CAST: variants seen among roughly 807,000 people sequenced by gnomAD.
The protein encoded by CAST is MIR583 host.
Under a neutral mutation model 119.6 loss-of-function variants are expected in CAST, and 76 were observed. That is an observed-to-expected ratio of 0.64 (90% confidence interval 0.53 to 0.77). The LOEUF is 0.77. CAST is among the 30% of genes least tolerant of loss of function. The pLI is 0.00. For missense variants in CAST, 953 were observed against 946.5 expected (o/e 1.01, Z -0.09); for synonymous variants, 319 against 331.6 (o/e 0.96, Z 0.41).
intron 1 of CAST, among the ~76,000 whole-genome samples, chr5:96,544,847 A>G (rs183267605): frequency 4.5e-4 from 68 of 150,936 alleles, no homozygotes; most frequent in Non-Finnish European, 7.4e-4. Context: ...AAACACAACT[A>G]TATTTCCCAC....
the CAST span, among the ~76,000 whole-genome samples, chr5:96,412,107 G>T: frequency 6.6e-6 from 1 of 152,156 alleles, no homozygotes; most frequent in African/African-American, 2.4e-5. Flanking sequence ...CTTGGCCATC[G>T]CGCCTGGCCA....
the CAST span, among the ~76,000 whole-genome samples, chr5:96,409,391 A>G: frequency 1.3e-5 from 2 of 152,204 alleles, no homozygotes; most frequent in East Asian, 3.8e-4. Context: ...TGCGGAAGCA[A>G]GGTTGCCCTT....
the CAST span, among the ~76,000 whole-genome samples, chr5:96,330,276 G>C: frequency 1.4e-4 from 21 of 152,316 alleles, no homozygotes; most frequent in African/African-American, 4.1e-4. Context: ...TTTCTCCCTT[G>C]TTTGGTAAGA....
At chr5:96,740,254 G>T in intron 12 of CAST, 136 bp downstream of exon 12, 1 of 592,862 alleles carries the variant, frequency 1.7e-6, no homozygotes, top group Non-Finnish European at 3.0e-6. Flanking sequence ...GAAGCTCGCT[G>T]CATTGGTTGG....
intron 3 of CAST, among the ~76,000 whole-genome samples, chr5:96,721,733 G>A (rs1485899676): frequency 1.3e-5 from 2 of 152,138 alleles, no homozygotes; most frequent in African/African-American, 4.8e-5. Flanking sequence ...ATAATTATCT[G>A]TTTAATATTA....
chr5:96,561,787 T>TTTTTTTTTTG (rs1746368363), intron 1 of CAST, among the ~76,000 whole-genome samples: 1 of 9,616 alleles, frequency 1.0e-4, no homozygotes, highest in Non-Finnish European at 2.1e-4. Context: ...TATATATATG[T>TTTTTTTTTTG]TTTTTTTTGT....
At chr5:96,529,753 C>A (rs544819786), upstream of CAST, 1 of 428,144 alleles carries the variant, frequency 2.3e-6, no homozygotes, top group East Asian at 8.1e-5. Flanking sequence ...TCAGTTCTCA[C>A]GAGATATAAT....
chr5:96,148,459 A>G, the CAST span, among the ~76,000 whole-genome samples: 47,327 of 152,038 alleles, frequency 0.31, 7,615 homozygotes, highest in Middle Eastern at 0.38. Context: ...TTTCACCACA[A>G]TTATTCGGTA....
upstream of CAST, among the ~76,000 whole-genome samples, chr5:96,522,545 G>A (rs1325524376): frequency 6.6e-6 from 1 of 152,180 alleles, no homozygotes; most frequent in Non-Finnish European, 1.5e-5. Context: ...CATCTGTAAA[G>A]AGACTTTAAG....
chr5:96,041,154 A>G, the CAST span, among the ~76,000 whole-genome samples: 1 of 152,142 alleles, frequency 6.6e-6, no homozygotes. Context: ...TTCCTTCTTA[A>G]GAGTACAGTA....
chr5:96,150,630 C>G, the CAST span, among the ~76,000 whole-genome samples: 1 of 152,278 alleles, frequency 6.6e-6, no homozygotes, highest in East Asian at 1.9e-4. Flanking sequence ...TGGGTAAAAA[C>G]TGACTCTGAG....
At chr5:96,571,233 T>C (rs1341163318) in intron 1 of CAST, among the ~76,000 whole-genome samples, 2 of 152,102 alleles carry the variant, frequency 1.3e-5, no homozygotes, top group African/African-American at 2.4e-5. Flanking sequence ...TCCGTAGAGA[T>C]AGGCAGCGCA....
At chr5:96,610,035 T>C (rs1406943035) in intron 1 of CAST, among the ~76,000 whole-genome samples, 2 of 152,186 alleles carry the variant, frequency 1.3e-5, no homozygotes, top group Non-Finnish European at 2.9e-5. Context: ...TCCCCACATG[T>C]CCTGGGAGGG....
the CAST span, among the ~76,000 whole-genome samples, chr5:96,046,312 G>T: frequency 3.3e-5 from 5 of 152,108 alleles, no homozygotes; most frequent in East Asian, 7.7e-4. Flanking sequence ...ATAAAAGAAA[G>T]AAATAGAACA....
At chr5:96,537,213 C>G (rs1237843890) in intron 1 of CAST, among the ~76,000 whole-genome samples, 1 of 152,234 alleles carries the variant, frequency 6.6e-6, no homozygotes, top group Non-Finnish European at 1.5e-5. Flanking sequence ...TCACCCAACT[C>G]AGTTACCATC....
intron 8 of CAST, among the ~76,000 whole-genome samples, chr5:96,730,356 G>T (rs1030967812): frequency 6.6e-6 from 1 of 152,164 alleles, no homozygotes; most frequent in Admixed American, 6.5e-5. Flanking sequence ...TGTATATTTT[G>T]TTTGGCTTAC....
At chr5:96,240,361 G>T in the CAST span, among the ~76,000 whole-genome samples, 4 of 152,146 alleles carry the variant, frequency 2.6e-5, no homozygotes, top group Admixed American at 1.3e-4. Context: ...TGTTGACTGT[G>T]CACAGTTTTC....
the CAST span, among the ~76,000 whole-genome samples, chr5:96,421,714 G>A: frequency 1.3e-5 from 2 of 152,072 alleles, no homozygotes; most frequent in African/African-American, 4.8e-5. Context: ...TATAAAAATA[G>A]AAACTTTGGT....
chr5:96,597,840 G>C (rs1020230597), intron 1 of CAST, among the ~76,000 whole-genome samples: 1 of 152,030 alleles, frequency 6.6e-6, no homozygotes, highest in Non-Finnish European at 1.5e-5. Context: ...GTGGGGGTCA[G>C]GGTGGTTTTG....
Sources: allele counts gnomAD v4.1 joint callset (sites outside exome capture counted in the v4.1 genomes callset), GRCh38; gene constraint gnomAD v4.1.1; transcripts MANE v1.5; gene names NCBI Gene and HGNC (gene_info 2026-07-23, HGNC 2026-07-21).